The following JAKMIP2 variants were observed in gnomAD, a reference collection of about 807,000 sequenced individuals.
JAKMIP2 encodes the protein janus kinase and microtubule-interacting protein 2.
Under a neutral mutation model 115.0 loss-of-function variants are expected in JAKMIP2, and 25 were observed. The observed-to-expected ratio is 0.22, with a 90% CI of 0.16 to 0.30. The LOEUF (loss-of-function observed/expected upper bound fraction) is 0.30, where lower values mean the gene tolerates loss of function less well. JAKMIP2 is among the 10% of genes least tolerant of loss of function. The pLI is 1.00. For synonymous variants in JAKMIP2, 334 were observed against 343.6 expected (o/e 0.97, Z 0.31); for missense variants, 642 against 957.6 (o/e 0.67, Z 4.35).
intron 20 of JAKMIP2, among the ~76,000 whole-genome samples, chr5:147,605,618 T>C (rs749167907): frequency 6.6e-6 from 1 of 152,190 alleles, no homozygotes; most frequent in Non-Finnish European, 1.5e-5. Context: ...CATAGGTCTT[T>C]ATAGTAGAAT....
At chr5:147,758,110 T>C (rs1336607347) in intron 1 of JAKMIP2, among the ~76,000 whole-genome samples, 1 of 152,152 alleles carries the variant, frequency 6.6e-6, no homozygotes, top group Non-Finnish European at 1.5e-5. Context: ...AACACACGGT[T>C]TAGTAAAGAT....
intron 3 of JAKMIP2, among the ~76,000 whole-genome samples, chr5:147,651,666 G>A (rs938341881): frequency 4.6e-5 from 7 of 151,976 alleles, no homozygotes; most frequent in Non-Finnish European, 1.0e-4. Context: ...ACATAGTCAC[G>A]TATTTTCCAC....
At chr5:147,657,388 C>T (rs932998052) in intron 3 of JAKMIP2, among the ~76,000 whole-genome samples, 1 of 152,222 alleles carries the variant, frequency 6.6e-6, no homozygotes, top group Non-Finnish European at 1.5e-5. Context: ...GTCTGATGGG[C>T]TTCCCTTTTT....
In JAKMIP2 at chr5:147,782,617, C is replaced by A; in HGVS notation, c.-310G>T. 1 of 736,792 alleles carries A rather than the reference C, an allele frequency of 1.4e-6. No individual in the cohort carries two copies. The highest frequency in any genetic ancestry group is 1.5e-5 in the South Asian group (1 of 67,592). 45.6% of individuals were successfully genotyped at this position (736,792 alleles called of 1,614,324 possible). A position where few individuals can be genotyped will look rare whatever the true frequency, so the allele number is the denominator to read the frequency against. ...GGTTGGCGATGGTGCGAATAGGAACCACCCTTCCAGCCCCACTAGAGTATC... is the reference window on the plus strand; with the variant it reads ...GGTTGGCGATGGTGCGAATAGGAACAACCCTTCCAGCCCCACTAGAGTATC... On this transcript the variant is annotated 5_prime_UTR_variant, in exon 1 of 22. Transcript: ENST00000616793.
intron 2 of JAKMIP2, 52 bp downstream of exon 2, chr5:147,671,626 G>T: frequency 7.5e-7 from 1 of 1,332,658 alleles, no homozygotes; most frequent in East Asian, 2.8e-5. Flanking sequence ...GCTGCATGTG[G>T]ACACAGCCAG....
At position 147,587,594 on chromosome 5, in the gene JAKMIP2, T is replaced by C. The variant is rs1302720521; in HGVS notation, c.*4113A>G. The C allele has an allele frequency of 6.6e-6, 1 of 152,174 alleles. No homozygotes were observed. Among genetic ancestry groups the C allele is most frequent in the African/African-American group, 2.4e-5 (1 of 41,430 alleles). The allele number at this position is 152,174 out of a possible 1,614,324, so 9.4% of individuals were successfully genotyped here. ...ATCAACACAAAACCAATGAATATTC[T>C]TTTTACAGTTTCTACAAAAACCTAG... On this transcript the variant is annotated 3_prime_UTR_variant, in exon 22 of 22. Transcript: ENST00000616793.
chr5:147,764,948 G>GAAAGAAAGAAAGAA (rs1755083719), intron 1 of JAKMIP2, among the ~76,000 whole-genome samples: 1 of 56,564 alleles, frequency 1.8e-5, no homozygotes, highest in Admixed American at 2.3e-4. Flanking sequence ...GAGAGAGAGG[G>GAAAGAAAGAAAGAA]AGAGAGAGAG....
intron 1 of JAKMIP2, among the ~76,000 whole-genome samples, chr5:147,672,951 T>C (rs1472923317): frequency 6.6e-6 from 1 of 152,172 alleles, no homozygotes; most frequent in Non-Finnish European, 1.5e-5. Context: ...GGCCTAGAAT[T>C]CCAAGCTTAG....
At chr5:147,684,677 G>A (rs193116690) in intron 1 of JAKMIP2, among the ~76,000 whole-genome samples, 1 of 152,138 alleles carries the variant, frequency 6.6e-6, no homozygotes, top group Non-Finnish European at 1.5e-5. Context: ...TGCCTAGGTA[G>A]TGAATTTTTA....
intron 1 of JAKMIP2, among the ~76,000 whole-genome samples, chr5:147,731,927 G>A (rs1328196884): frequency 6.6e-6 from 1 of 152,182 alleles, no homozygotes; most frequent in East Asian, 1.9e-4. Context: ...ATATTCAGAC[G>A]ATGTATCAAG....
rs1183747220 is a variant in JAKMIP2 at position 147,671,758 on chromosome 5, C to T, written c.49G>A (p.Val17Ile). 6 of 1,592,026 alleles carry T rather than the reference C, an allele frequency of 3.8e-6. No homozygotes were observed. In the African/African-American group the frequency reaches 4.1e-5, roughly 11 times the overall value. The change falls in exon 2 of 22, where the codon GTT becomes ATT. Residue 17 changes from valine (V) to isoleucine (I), a missense_variant. Physicochemically the swap from Val to Ile is conservative, Grantham distance 29. Transcript: ENST00000616793. The part of the protein sequence containing the change: ...NKGEKPEALI[V>I]ALQAANEDLR... ...TCTTCATTGGCAGCTTGAAGGGCAA[C>T]AATGAGTGCCTCGGGCTTCTCGCCC...
chr5:147,753,812 A>AT (rs34633628), intron 1 of JAKMIP2, among the ~76,000 whole-genome samples: 30,335 of 141,414 alleles, frequency 0.21, 3,372 homozygotes, highest in East Asian at 0.46. Flanking sequence ...AGCAGAATGT[A>AT]TTTTTTTTTT....
chr5:147,696,854 G>A (rs1297493049), intron 1 of JAKMIP2, among the ~76,000 whole-genome samples: 3 of 152,186 alleles, frequency 2.0e-5, no homozygotes, highest in Non-Finnish European at 4.4e-5. Context: ...CTATGCTTTA[G>A]CAAAGAGACT....
At chr5:147,609,616 C>A (rs1264321517) in intron 20 of JAKMIP2, among the ~76,000 whole-genome samples, 1 of 152,000 alleles carries the variant, frequency 6.6e-6, no homozygotes, top group African/African-American at 2.4e-5. Flanking sequence ...CATTTTTTTC[C>A]TTCATTTCAA....
At chr5:147,765,886 A>T (rs1042175217) in intron 1 of JAKMIP2, among the ~76,000 whole-genome samples, 1 of 152,044 alleles carries the variant, frequency 6.6e-6, no homozygotes, top group African/African-American at 2.4e-5. Context: ...AACATCTTTG[A>T]GTTCATTGCC....
At chr5:147,652,759 G>T (rs1210949700) in intron 3 of JAKMIP2, among the ~76,000 whole-genome samples, 5 of 152,094 alleles carry the variant, frequency 3.3e-5, no homozygotes, top group Non-Finnish European at 1.5e-5. Context: ...TGTTACATAG[G>T]TATACATGTG....
intron 1 of JAKMIP2, among the ~76,000 whole-genome samples, chr5:147,673,481 G>A (rs1370923065): frequency 6.6e-6 from 1 of 152,142 alleles, no homozygotes; most frequent in East Asian, 1.9e-4. Flanking sequence ...CTGCTCATGA[G>A]CACTGAAGCT....
chr5:147,640,465 T>G (rs185478031), intron 9 of JAKMIP2, among the ~76,000 whole-genome samples: 99 of 152,298 alleles, frequency 6.5e-4, no homozygotes, highest in African/African-American at 2.3e-3. Context: ...ACTTTTATTT[T>G]GAAAGAAGTC....
chr5:147,658,467 CT>C (rs941387797), intron 3 of JAKMIP2, among the ~76,000 whole-genome samples: 2 of 152,210 alleles, frequency 1.3e-5, no homozygotes, highest in African/African-American at 2.4e-5. Context: ...TGGGAGGTCT[CT>C]CCCAGTCAGG....
Sources: gnomAD v4.1 joint callset for allele counts (sites outside exome capture counted in the v4.1 genomes callset) on GRCh38, gnomAD v4.1.1 for gene constraint, MANE v1.5 for transcripts, NCBI Gene and HGNC (gene_info 2026-07-23, HGNC 2026-07-21) for gene names.